KCTD9: variants seen among roughly 807,000 people sequenced by gnomAD.
KCTD9 encodes BTB/POZ domain-containing protein KCTD9.
A neutral mutation model predicts 53.3 loss-of-function variants in KCTD9; 17 were observed. The ratio of observed to expected loss-of-function variants is 0.32; its 90% CI spans 0.22 to 0.48. KCTD9 has a LOEUF of 0.48. Ranked by LOEUF, KCTD9 falls within the 20% of genes least tolerant of loss-of-function variation. KCTD9 has a pLI of 0.99. For synonymous variants in KCTD9, 128 were observed against 162.7 expected, an observed-to-expected ratio of 0.79 and a Z score of 1.62; for missense variants, 179 against 465.5, an observed-to-expected ratio of 0.38 and a Z score of 5.66.
intron 1 of KCTD9, among the ~76,000 whole-genome samples, chr8:25,451,102 C>T (rs1418297620): frequency 4.6e-5 from 7 of 152,122 alleles, no homozygotes; most frequent in South Asian, 2.1e-4. Flanking sequence ...CTATTCTTGA[C>T]GTTTGTTTTC....
chr8:25,445,173 G>A (rs905775685), intron 2 of KCTD9, among the ~76,000 whole-genome samples: 1 of 152,152 alleles, frequency 6.6e-6, no homozygotes, highest in African/African-American at 2.4e-5. Context: ...AAAATGTAGT[G>A]TATAGTATTT....
intron 1 of KCTD9, among the ~76,000 whole-genome samples, chr8:25,449,459 T>C (rs992494906): frequency 3.3e-5 from 5 of 152,208 alleles, no homozygotes; most frequent in Non-Finnish European, 7.3e-5. Context: ...GCCTGTATTA[T>C]GCTTAATACT....
chr8:25,452,216 T>TA (rs201205368), intron 1 of KCTD9, among the ~76,000 whole-genome samples: 4 of 151,952 alleles, frequency 2.6e-5, no homozygotes, highest in East Asian at 1.9e-4. Context: ...TGAGATAATT[T>TA]AAAAAAAAGA....
chr8:25,446,082 A>AGAAGTTGAG (rs771288216), intron 2 of KCTD9, 47 bp downstream of exon 2: 2 of 1,600,612 alleles, frequency 1.2e-6, no homozygotes, highest in East Asian at 4.5e-5. Context: ...CATAGCACCA[A>AGAAGTTGAG]GAAGTTGAGG....
intron 1 of KCTD9, chr8:25,457,309 C>A: frequency 2.1e-6 from 2 of 964,790 alleles, no homozygotes; most frequent in African/African-American, 1.8e-5. Flanking sequence ...ACCTTAGACT[C>A]GTAAAGGCTG....
intron 11 of KCTD9, among the ~76,000 whole-genome samples, chr8:25,431,195 T>C (rs1476046435): frequency 6.6e-6 from 1 of 152,046 alleles, no homozygotes; most frequent in Non-Finnish European, 1.5e-5. Context: ...ACAAAAGGAA[T>C]GAGATGGGGG....
chr8:25,428,058 G>A lies in KCTD9; in HGVS notation c.*1799C>T, dbSNP rs1330956225. 1 of 152,572 alleles carries A rather than the reference G, an allele frequency of 6.6e-6. No homozygotes were observed. Among genetic ancestry groups the A allele is most frequent in the Non-Finnish European group, 1.5e-5 (1 of 68,024 alleles). The allele number at this position is 152,572 out of a possible 1,614,324, so 9.5% of individuals were successfully genotyped here. A position where few individuals can be genotyped will look rare whatever the true frequency, so the allele number is the denominator to read the frequency against. Reference sequence around the variant, plus strand: ...ACACTTTATATCATTTATTAATGCAGTATACATTAGATCTAAAATCTGCAG... The same window carrying A: ...ACACTTTATATCATTTATTAATGCAATATACATTAGATCTAAAATCTGCAG... On this transcript the variant is annotated 3_prime_UTR_variant, in exon 12 of 12. Transcript: ENST00000221200.
rs555393321 is a variant in KCTD9, at chr8:25,448,830, G to A, written c.49-2580C>T. Among the ~76,000 whole-genome samples, 4 of 151,976 alleles carry A rather than the reference G, an allele frequency of 2.6e-5. No homozygotes were observed. The East Asian group carries it at 7.8e-4, about 30-fold the overall frequency. On this transcript the variant is annotated intron_variant, in intron 1 of 11. Transcript: ENST00000221200. ...CTTGGGAGGCTGAGGCAGGAGAATTGCTTCAACCCGGGAGGCAGAGGTTGC... is the reference window on the plus strand; with the variant it reads ...CTTGGGAGGCTGAGGCAGGAGAATTACTTCAACCCGGGAGGCAGAGGTTGC...
intron 1 of KCTD9, among the ~76,000 whole-genome samples, chr8:25,453,217 A>T (rs1416875872): frequency 6.6e-6 from 1 of 151,832 alleles, no homozygotes; most frequent in Non-Finnish European, 1.5e-5. Flanking sequence ...ATTAGCTGGG[A>T]GTGGTGGCAC....
At chr8:25,453,259 A>C (rs530848005) in intron 1 of KCTD9, among the ~76,000 whole-genome samples, 2 of 152,122 alleles carry the variant, frequency 1.3e-5, no homozygotes, top group South Asian at 4.1e-4. Flanking sequence ...CAGGAGGCTG[A>C]GGCAGGAGAA....
chr8:25,454,338 CTGAA>C (rs113821011), intron 1 of KCTD9, among the ~76,000 whole-genome samples: 3,088 of 152,234 alleles, frequency 0.02, 110 homozygotes, highest in African/African-American at 0.067. Flanking sequence ...TAAGTGTTCA[CTGAA>C]TGAATGAATG....
rs1156879030 is a variant in KCTD9, at chr8:25,430,814, C to G, written c.1054-841G>C. 8.8e-4 allele frequency among the ~76,000 whole-genome samples: 65 copies of G among 73,482 alleles called. 1 individual carries two copies. Among genetic ancestry groups the G allele is most frequent in the Admixed American group, 3.9e-3 (30 of 7,626 alleles). The allele number at this position is 73,482 out of a possible 152,430, so 48.2% of individuals were successfully genotyped here. ...TGGATTCCAACATAATAAATACACA[C>G]ACACACACACACACACACACACACA... On this transcript the variant is annotated intron_variant, in intron 11 of 11. Coordinates refer to ENST00000221200, the MANE Select transcript of KCTD9 (RefSeq NM_017634.4).
At chr8:25,438,245 G>A (rs1802055861) in intron 6 of KCTD9, among the ~76,000 whole-genome samples, 1 of 148,930 alleles carries the variant, frequency 6.7e-6, no homozygotes, top group South Asian at 2.1e-4. Flanking sequence ...GGGAGAAATA[G>A]AAAGCAACAA....
chr8:25,433,957 C>T (rs1360675877), intron 9 of KCTD9, among the ~76,000 whole-genome samples: 2 of 152,180 alleles, frequency 1.3e-5, no homozygotes, highest in Non-Finnish European at 2.9e-5. Flanking sequence ...CATTATTTAG[C>T]TAGAAAACAC....
intron 9 of KCTD9, among the ~76,000 whole-genome samples, chr8:25,434,889 A>G (rs932670134): frequency 8.5e-5 from 13 of 152,212 alleles, no homozygotes; most frequent in African/African-American, 3.1e-4. Context: ...ATATACACAT[A>G]TATGTAGAGA....
At chr8:25,440,524 T>C in intron 4 of KCTD9, 53 bp downstream of exon 4, 1 of 1,140,510 alleles carries the variant, frequency 8.8e-7, no homozygotes, top group Non-Finnish European at 1.3e-6. Context: ...GAACAAAGGG[T>C]ACACAGTGCT....
intron 1 of KCTD9, among the ~76,000 whole-genome samples, chr8:25,453,261 G>A (rs1326876056): frequency 1.3e-5 from 2 of 152,020 alleles, no homozygotes; most frequent in Non-Finnish European, 2.9e-5. Context: ...GGAGGCTGAG[G>A]CAGGAGAATC....
At chr8:25,453,378 G>A (rs571967004) in intron 1 of KCTD9, among the ~76,000 whole-genome samples, 7 of 151,216 alleles carry the variant, frequency 4.6e-5, no homozygotes, top group South Asian at 4.2e-4. Flanking sequence ...GGTGAGGGCC[G>A]GGCACGGTGG....
At chr8:25,451,588 A>G (rs1185212249) in intron 1 of KCTD9, 3 of 152,230 alleles carry the variant, frequency 2.0e-5, no homozygotes, top group Non-Finnish European at 4.4e-5. Flanking sequence ...CATGTCTATT[A>G]AAGTTCATGA....
Sources: allele counts gnomAD v4.1 joint callset (sites outside exome capture counted in the v4.1 genomes callset), GRCh38; gene constraint gnomAD v4.1.1; transcripts MANE v1.5; gene names NCBI Gene and HGNC (gene_info 2026-07-23, HGNC 2026-07-21).